ERO1A: variants seen among roughly 807,000 people sequenced by gnomAD.
The protein encoded by ERO1A is ERO1-like protein alpha.
Under a neutral mutation model 76.9 loss-of-function variants are expected in ERO1A, and 49 were observed. The observed-to-expected ratio is 0.64, with a 90% confidence interval of 0.51 to 0.81. ERO1A has a LOEUF of 0.81. Ranked by LOEUF, ERO1A falls within the 30% of genes least tolerant of loss-of-function variation. ERO1A has a pLI of 0.00. For missense variants in ERO1A, 448 were observed against 542.1 expected, an observed-to-expected ratio of 0.83 and a Z score of 1.72; for synonymous variants, 174 against 181.2, an observed-to-expected ratio of 0.96 and a Z score of 0.32.
intron 1 of ERO1A, among the ~76,000 whole-genome samples, chr14:52,691,061 C>T (rs949882964): frequency 6.6e-6 from 1 of 152,130 alleles, no homozygotes; most frequent in Non-Finnish European, 1.5e-5. Flanking sequence ...GCCACCACAC[C>T]CAGCCAATAT....
rs1478290539 is a variant in ERO1A, at chr14:52,643,645, T to C, written c.1347-15A>G. 2.9e-6 allele frequency: 4 copies of C among 1,372,680 alleles called. No homozygotes were observed. Among genetic ancestry groups the C allele is most frequent in the African/African-American group, 1.5e-5 (1 of 65,310 alleles). The allele number at this position is 1,372,680 out of a possible 1,614,324, so 85.0% of individuals were successfully genotyped here. On this transcript the variant is annotated splice_polypyrimidine_tract_variant and intron_variant, in intron 15 of 15. Coordinates refer to ENST00000395686, the MANE Select transcript of ERO1A (RefSeq NM_014584.3). ...TTGTAGAAATTCTGTAACCAAAAAA[T>C]ATTTCACTCAGAAACCATCTTAGAT...
chr14:52,668,820 T>C (rs915280633), intron 6 of ERO1A, among the ~76,000 whole-genome samples: 3 of 148,782 alleles, frequency 2.0e-5, no homozygotes, highest in Non-Finnish European at 4.5e-5. Context: ...GAAGTAATAC[T>C]ATAATTATAT....
intron 4 of ERO1A, among the ~76,000 whole-genome samples, chr14:52,677,737 C>A (rs2040841474): frequency 6.6e-6 from 1 of 151,578 alleles, no homozygotes; most frequent in Admixed American, 6.6e-5. Context: ...GAGGCATTTG[C>A]CTACACTCTC....
At chr14:52,651,127 A>G (rs2039850900) in intron 13 of ERO1A, among the ~76,000 whole-genome samples, 1 of 142,536 alleles carries the variant, frequency 7.0e-6, no homozygotes, top group Non-Finnish European at 1.5e-5. Context: ...AAAAAAAAAA[A>G]AGTTAGACAG....
At chr14:52,689,946 G>T (rs2041300767) in intron 1 of ERO1A, among the ~76,000 whole-genome samples, 1 of 152,108 alleles carries the variant, frequency 6.6e-6, no homozygotes, top group Non-Finnish European at 1.5e-5. Flanking sequence ...TAGACCAATG[G>T]AAAACAATAG....
chr14:52,641,799 AAAGG>A lies in ERO1A; in HGVS notation c.*1767_*1770del, dbSNP rs1452409795. On this transcript the variant is annotated 3_prime_UTR_variant, in exon 16 of 16. Coordinates refer to ENST00000395686, the MANE Select transcript of ERO1A (RefSeq NM_014584.3). ...GTCTTTCCTTTCCTGCCTTAGAGAAAAAGGAAGTGACAGAGAAAAATAGGACAAA... is the reference window on the plus strand; with the variant it reads ...GTCTTTCCTTTCCTGCCTTAGAGAAAAAGTGACAGAGAAAAATAGGACAAA... 1.3e-5 allele frequency: 2 copies of A among 152,176 alleles called. No individual in the cohort carries two copies. The highest frequency in any genetic ancestry group is 2.4e-5 in the African/African-American group (1 of 41,432). 9.4% of individuals were successfully genotyped at this position (152,176 alleles called of 1,614,324 possible). A position where few individuals can be genotyped will look rare whatever the true frequency, so the allele number is the denominator to read the frequency against.
chr14:52,670,485 T>C (rs1457189902), intron 6 of ERO1A, among the ~76,000 whole-genome samples: 2 of 152,188 alleles, frequency 1.3e-5, no homozygotes, highest in Non-Finnish European at 2.9e-5. Flanking sequence ...GTTCAAGTGA[T>C]TCTCCTGCCT....
intron 4 of ERO1A, among the ~76,000 whole-genome samples, chr14:52,675,819 T>C (rs1160163579): frequency 6.6e-6 from 1 of 151,706 alleles, no homozygotes; most frequent in Non-Finnish European, 1.5e-5. Flanking sequence ...AGAGATGGGG[T>C]TTTGCTATTT....
chr14:52,685,433 C>T (rs2041147027), intron 1 of ERO1A, among the ~76,000 whole-genome samples: 1 of 152,182 alleles, frequency 6.6e-6, no homozygotes, highest in Admixed American at 6.5e-5. Flanking sequence ...ATACCAACAA[C>T]ACAAAGTACT....
chr14:52,646,675 A>T (rs2039668805), intron 13 of ERO1A: 1 of 418,336 alleles, frequency 2.4e-6, no homozygotes, highest in Non-Finnish European at 4.2e-6. Flanking sequence ...TTATTATTAT[A>T]ATCTACACCT....
At chr14:52,689,327 G>A (rs2041280629) in intron 1 of ERO1A, among the ~76,000 whole-genome samples, 2 of 152,010 alleles carry the variant, frequency 1.3e-5, no homozygotes, top group South Asian at 2.1e-4. Flanking sequence ...AGAAATAAAA[G>A]GTATCCAAAT....
chr14:52,641,923 G>A lies in ERO1A; in HGVS notation c.*1647C>T, dbSNP rs945297523. On this transcript the variant is annotated 3_prime_UTR_variant, in exon 16 of 16. Transcript: ENST00000395686. ...AATATTTATTGGATACCAAGTATGT[G>A]CTTGGCACTGTACCAGGCCTTAGGG... 1.3e-5 allele frequency: 2 copies of A among 152,150 alleles called. No homozygotes were observed. The highest frequency in any genetic ancestry group is 1.3e-4 in the Admixed American group (2 of 15,272). The allele number at this position is 152,150 out of a possible 1,614,324, so 9.4% of individuals were successfully genotyped here. A position where few individuals can be genotyped will look rare whatever the true frequency, so the allele number is the denominator to read the frequency against.
intron 11 of ERO1A, 116 bp from the exon 12 acceptor site, chr14:52,653,431 A>G: frequency 4.1e-6 from 3 of 723,508 alleles, no homozygotes; most frequent in Non-Finnish European, 6.2e-6. Flanking sequence ...AAGTTATATA[A>G]TAACAACCAA....
rs753213222 is a variant in ERO1A, at chr14:52,644,887, T to C, written c.1347-1257A>G. The stretch of plus-strand genomic sequence containing the variant: ...GCCCTTGGATGCTAGAGACACAATT[T>C]TGAAGGTCAATTATTTCAAGCCCAA... On this transcript the variant is annotated intron_variant, in intron 15 of 15. Transcript: ENST00000395686. 2.7e-4 allele frequency among the ~76,000 whole-genome samples: 41 copies of C among 152,190 alleles called. 1 individual carries two copies. Among genetic ancestry groups the C allele is most frequent in the Non-Finnish European group, 5.1e-4 (35 of 68,004 alleles).
intron 3 of ERO1A, among the ~76,000 whole-genome samples, chr14:52,679,427 T>TG (rs1176619946): frequency 1.3e-5 from 2 of 152,018 alleles, no homozygotes; most frequent in Non-Finnish European, 2.9e-5. Context: ...GATTTTTTTT[T>TG]TTTTCAGATA....
chr14:52,675,349 C>A (rs1037459463), intron 4 of ERO1A, among the ~76,000 whole-genome samples: 1 of 151,374 alleles, frequency 6.6e-6, no homozygotes, highest in Non-Finnish European at 1.5e-5. Context: ...CGCCATTGCA[C>A]TCCAGACTGT....
At chr14:52,669,535 C>T (rs17125640) in intron 6 of ERO1A, among the ~76,000 whole-genome samples, 1,851 of 152,178 alleles carry the variant, frequency 0.012, 77 homozygotes, top group East Asian at 0.1. Context: ...TGGGACCATG[C>T]GTGTCTCGGC....
At chr14:52,650,960 T>C (rs2039842428) in intron 13 of ERO1A, among the ~76,000 whole-genome samples, 1 of 152,146 alleles carries the variant, frequency 6.6e-6, no homozygotes, top group South Asian at 2.1e-4. Context: ...ATAACTGTCT[T>C]TAATTCCCAG....
chr14:52,644,011 T>C (rs1325621550), intron 15 of ERO1A, among the ~76,000 whole-genome samples: 1 of 152,042 alleles, frequency 6.6e-6, no homozygotes, highest in African/African-American at 2.4e-5. Context: ...TGGCTGTGTG[T>C]GCCATGTAGT....
Sources: gnomAD v4.1 joint callset for allele counts (sites outside exome capture counted in the v4.1 genomes callset) on GRCh38, gnomAD v4.1.1 for gene constraint, MANE v1.5 for transcripts, NCBI Gene and HGNC (gene_info 2026-07-23, HGNC 2026-07-21) for gene names.